The following ZEB1 variants were observed in gnomAD, a reference collection of about 807,000 sequenced individuals.
ZEB1 encodes zinc finger E-box-binding homeobox 1.
Under a neutral mutation model 84.9 loss-of-function variants are expected in ZEB1, and 21 were observed. The observed-to-expected ratio is 0.25, with a 90% CI of 0.18 to 0.36. The LOEUF is 0.36. Among genes scored for constraint, ZEB1 ranks in the 10% least tolerant of loss-of-function variants. The pLI is 1.00. For synonymous variants in ZEB1, 420 were observed against 471.1 expected (o/e 0.89, Z 1.41); for missense variants, 1,104 against 1,330.2 (o/e 0.83, Z 2.65).
At chr10:31,349,437 A>G (rs1351277704) in intron 1 of ZEB1, among the ~76,000 whole-genome samples, 1 of 152,130 alleles carries the variant, frequency 6.6e-6, no homozygotes, top group Non-Finnish European at 1.5e-5. Flanking sequence ...ATTTATAACT[A>G]TTGGTGAGAC....
rs139233402 is a variant in ZEB1, at chr10:31,485,225, A to G, written c.260-10551A>G. ...TTTTAAGAGTCTCAAAACAATTTGT[A>G]TATTTATAGAATCCCTAATAATGGC... is the stretch of plus-strand genomic sequence containing the variant. On this transcript the variant is annotated intron_variant, in intron 2 of 8. Coordinates refer to ENST00000424869, the MANE Select transcript of ZEB1 (RefSeq NM_001174096.2). Among the ~76,000 whole-genome samples the G allele has an allele frequency of 3.9e-5, 6 of 152,076 alleles. No homozygotes were observed. The East Asian group carries it at 1.2e-3, about 30-fold the overall frequency.
At chr10:31,478,208 A>G (rs1372783805) in intron 2 of ZEB1, among the ~76,000 whole-genome samples, 1 of 152,102 alleles carries the variant, frequency 6.6e-6, no homozygotes, top group Non-Finnish European at 1.5e-5. Flanking sequence ...ATGGACAGAC[A>G]TTTCTTAAAA....
chr10:31,436,177 G>T (rs1192086986), intron 1 of ZEB1, among the ~76,000 whole-genome samples: 1 of 152,166 alleles, frequency 6.6e-6, no homozygotes, highest in East Asian at 1.9e-4. Flanking sequence ...ATGCAATGGA[G>T]AGCCATCTGA....
At chr10:31,335,114 T>TA (rs1191821000) in intron 1 of ZEB1, among the ~76,000 whole-genome samples, 3 of 152,108 alleles carry the variant, frequency 2.0e-5, no homozygotes, top group Admixed American at 6.6e-5. Flanking sequence ...AGTACCCCCT[T>TA]ATCCATCTGT....
intron 1 of ZEB1, chr10:31,363,227 T>C (rs1475163785): frequency 5.2e-6 from 8 of 1,533,934 alleles, no homozygotes; most frequent in Middle Eastern, 2.3e-4. Flanking sequence ...AAGGCCGCCT[T>C]CTCTGGCCAC....
chr10:31,406,305 C>A (rs1430677284), intron 1 of ZEB1, among the ~76,000 whole-genome samples: 4 of 152,144 alleles, frequency 2.6e-5, no homozygotes, highest in Non-Finnish European at 5.9e-5. Context: ...TTTACACTCC[C>A]ACCAACAGTG....
intron 1 of ZEB1, among the ~76,000 whole-genome samples, chr10:31,348,909 T>G (rs2040814860): frequency 2.0e-5 from 3 of 152,232 alleles, no homozygotes; most frequent in Non-Finnish European, 4.4e-5. Context: ...AATTAACATA[T>G]GCATTACCTC....
At chr10:31,466,197 A>G (rs1374606159) in intron 2 of ZEB1, among the ~76,000 whole-genome samples, 1 of 152,218 alleles carries the variant, frequency 6.6e-6, no homozygotes, top group Non-Finnish European at 1.5e-5. Flanking sequence ...AGTGCTTTCA[A>G]TAATGGAGAA....
chr10:31,503,149 A>G (rs533706607), intron 4 of ZEB1, among the ~76,000 whole-genome samples: 49 of 152,278 alleles, frequency 3.2e-4, no homozygotes, highest in Non-Finnish European at 6.0e-4. Context: ...AAGGCTTTCA[A>G]AAAGCCTCAC....
intron 2 of ZEB1, among the ~76,000 whole-genome samples, chr10:31,470,073 C>G (rs1458998455): frequency 2.6e-5 from 4 of 151,754 alleles, no homozygotes; most frequent in African/African-American, 9.7e-5. Context: ...ACATCACCAT[C>G]ATCAAAGACC....
chr10:31,476,161 C>T (rs1321025216), intron 2 of ZEB1, among the ~76,000 whole-genome samples: 1 of 151,682 alleles, frequency 6.6e-6, no homozygotes, highest in Non-Finnish European at 1.5e-5. Flanking sequence ...AAAGGATCAA[C>T]ATAATGAAGA....
At chr10:31,515,932 T>C (rs961133582) in intron 6 of ZEB1, among the ~76,000 whole-genome samples, 40 of 151,986 alleles carry the variant, frequency 2.6e-4, no homozygotes, top group African/African-American at 8.9e-4. Context: ...TCAAGAGGGA[T>C]TTTTAAATGT....
chr10:31,357,886 C>T (rs911765347), intron 1 of ZEB1, among the ~76,000 whole-genome samples: 1 of 152,042 alleles, frequency 6.6e-6, no homozygotes, highest in Non-Finnish European at 1.5e-5. Context: ...TATCCCAACA[C>T]TGTAGTTGCC....
intron 2 of ZEB1, among the ~76,000 whole-genome samples, chr10:31,483,354 TGGTAC>T (rs907065844): frequency 1.3e-5 from 2 of 152,032 alleles, no homozygotes; most frequent in Admixed American, 1.3e-4. Context: ...CTTGCCAAGA[TGGTAC>T]ATTAAGTAAT....
At chr10:31,401,726 T>A (rs10128411) in intron 1 of ZEB1, among the ~76,000 whole-genome samples, 1 of 152,138 alleles carries the variant, frequency 6.6e-6, no homozygotes, top group Non-Finnish European at 1.5e-5. Flanking sequence ...TCCCATCAAT[T>A]TTACTGCAAT....
intron 1 of ZEB1, among the ~76,000 whole-genome samples, chr10:31,456,588 A>T (rs1238984754): frequency 6.6e-6 from 1 of 152,146 alleles, no homozygotes; most frequent in Non-Finnish European, 1.5e-5. Flanking sequence ...CATCAGTGTA[A>T]CGATTTTCAG....
chr10:31,425,581 A>G (rs1372655352), intron 1 of ZEB1, among the ~76,000 whole-genome samples: 1 of 152,096 alleles, frequency 6.6e-6, no homozygotes, highest in East Asian at 1.9e-4. Context: ...AATTAACCAC[A>G]TTTCTCAACA....
intron 1 of ZEB1, among the ~76,000 whole-genome samples, chr10:31,338,753 C>G (rs2038749344): frequency 6.6e-6 from 1 of 151,980 alleles, no homozygotes; most frequent in Non-Finnish European, 1.5e-5. Context: ...ACCTGTTAGT[C>G]TGATTGCAGA....
At chr10:31,474,147 C>T (rs1349725296) in intron 2 of ZEB1, among the ~76,000 whole-genome samples, 94 of 152,138 alleles carry the variant, frequency 6.2e-4, no homozygotes, top group South Asian at 2.3e-3. Flanking sequence ...GACATAGGCA[C>T]GGGCAAGGAC....
Sources: gnomAD v4.1 joint callset for allele counts (sites outside exome capture counted in the v4.1 genomes callset) on GRCh38, gnomAD v4.1.1 for gene constraint, MANE v1.5 for transcripts, NCBI Gene and HGNC (gene_info 2026-07-23, HGNC 2026-07-21) for gene names.